The following HID1 variants were observed in gnomAD, a reference collection of about 807,000 sequenced individuals.
HID1 encodes protein HID1.
A neutral mutation model predicts 89.7 loss-of-function variants in HID1; 42 were observed. The observed-to-expected ratio is 0.47, with a 90% confidence interval of 0.37 to 0.61. HID1 has a LOEUF of 0.61. Ranked by LOEUF, HID1 falls within the 20% of genes least tolerant of loss-of-function variation. The pLI, the probability that HID1 is intolerant of heterozygous loss-of-function variation, is 0.00. For missense variants in HID1, 854 were observed against 1,039.3 expected, an observed-to-expected ratio of 0.82 and a Z score of 2.45; for synonymous variants, 442 against 433.8, an observed-to-expected ratio of 1.02 and a Z score of -0.24.
Position 74,963,739 on chromosome 17 carries a change from C to A in HID1, c.387+1G>T. ...ACCCAGCCCTGGCCAGGCCCACAGA[C>A]CCCTCCTCGCCCTGCCCCGGGCACT... On this transcript the variant is annotated splice_donor_variant, in intron 3 of 18. Coordinates refer to ENST00000425042, the MANE Select transcript of HID1 (RefSeq NM_030630.3). LOFTEE classifies it high-confidence loss of function. The A allele has an allele frequency of 6.2e-7, 1 of 1,601,904 alleles. No individual in the cohort carries two copies. Among genetic ancestry groups the A allele is most frequent in the Non-Finnish European group, 8.5e-7 (1 of 1,174,282 alleles).
At chr17:74,966,467 G>T (rs185541353) in intron 1 of HID1, among the ~76,000 whole-genome samples, 1 of 151,578 alleles carries the variant, frequency 6.6e-6, no homozygotes, top group African/African-American at 2.4e-5. Context: ...GCACCTCCTC[G>T]GGCCCATCCC....
chr17:74,958,184 C>T lies in HID1; in HGVS notation c.1428G>A (p.Arg476=). 6.2e-7 allele frequency: 1 copy of T among 1,610,674 alleles called. No homozygotes were observed. Among genetic ancestry groups the T allele is most frequent in the East Asian group, 2.2e-5 (1 of 44,772 alleles). The change falls in exon 12 of 19, where the codon CGG becomes CGA. Residue 476 remains arginine (R), a synonymous_variant. Coordinates refer to ENST00000425042, the MANE Select transcript of HID1 (RefSeq NM_030630.3). This position sits in a 1 kb window ranked among gnomAD's most constrained non-coding sequence, Gnocchi z 5.2. The part of the protein sequence containing the change: ...FHKIITSGHQ[R]LQPLFDCLLT... ...GCAGGCAGTCGAAGAGGGGCTGCAA[C>T]CGCTGGTGCCCGCTGGTGATGATCT... is the stretch of plus-strand genomic sequence containing the variant.
At position 74,963,878 on chromosome 17, in the gene HID1, A is replaced by G; in HGVS notation, c.249T>C (p.Ser83=). The change falls in exon 3 of 19, where the codon AGT becomes AGC. Residue 83 remains serine (S), a synonymous_variant. Transcript: ENST00000425042. ...AVEKLVQGAE[S]GCHSEKEKQI... ...GCTTCTCCTTCTCCGAGTGGCAGCC[A>G]CTCTCAGCTCCCTGCACCAGCTTCT... 2.5e-6 allele frequency: 4 copies of G among 1,613,774 alleles called. No individual in the cohort carries two copies. The highest frequency in any genetic ancestry group is 3.4e-6 in the Non-Finnish European group (4 of 1,179,998).
In HID1 at chr17:74,962,034, C is replaced by A; in HGVS notation, c.612-45G>T. On this transcript the variant is annotated intron_variant, in intron 5 of 18. Transcript: ENST00000425042. The surrounding 1 kb of genome is among the most constrained non-coding windows in gnomAD (Gnocchi z 4.3). ...GGGCACCTTAGGATCCCAGTCCCCTCTTGGAGGTTCTGCCCACCCAGCCCA... is the reference window on the plus strand; with the variant it reads ...GGGCACCTTAGGATCCCAGTCCCCTATTGGAGGTTCTGCCCACCCAGCCCA... 1 of 1,414,870 alleles carries A rather than the reference C, an allele frequency of 7.1e-7. No individual in the cohort carries two copies. The allele number at this position is 1,414,870 out of a possible 1,614,324, so 87.6% of individuals were successfully genotyped here. A position where few individuals can be genotyped will look rare whatever the true frequency, so the allele number is the denominator to read the frequency against.
rs2039521573 is a variant in HID1 at position 74,963,830 on chromosome 17, C to T, written c.297G>A (p.Arg99=). 1 of 1,614,008 alleles carries T rather than the reference C, an allele frequency of 6.2e-7. No individual in the cohort carries two copies. The highest frequency in any genetic ancestry group is 1.3e-5 in the African/African-American group (1 of 74,938). ...KEKQIVLNCS[R]LLTRVLPYIF... ...TGTAGGGCAGCACGCGGGTGAGCAGCCGGCTGCAGTTCAGGACGATCTGCT... is the reference window on the plus strand; with the variant it reads ...TGTAGGGCAGCACGCGGGTGAGCAGTCGGCTGCAGTTCAGGACGATCTGCT... The change falls in exon 3 of 19, where the codon CGG becomes CGA. Residue 99 remains arginine, a synonymous_variant. Transcript: ENST00000425042.
At chr17:74,952,444 G>T (rs939884730) in intron 16 of HID1, 84 bp from the exon 17 acceptor site, 1 of 920,774 alleles carries the variant, frequency 1.1e-6, no homozygotes. Flanking sequence ...AGAACCACAG[G>T]CTCCCCAAGG....
intron 13 of HID1, 44 bp from the exon 14 acceptor site, chr17:74,954,409 G>C: frequency 6.5e-7 from 1 of 1,548,530 alleles, no homozygotes; most frequent in South Asian, 1.2e-5. Flanking sequence ...GCCCCCTCCA[G>C]CTCCCCCCGT....
chr17:74,966,884 G>A (rs2039571249), intron 1 of HID1, among the ~76,000 whole-genome samples: 1 of 152,122 alleles, frequency 6.6e-6, no homozygotes, highest in Non-Finnish European at 1.5e-5. Flanking sequence ...GGTCAAGGCT[G>A]CAGTAAGCTG....
chr17:74,971,691 G>A (rs1166566043), intron 1 of HID1, among the ~76,000 whole-genome samples: 1 of 152,214 alleles, frequency 6.6e-6, no homozygotes, highest in Non-Finnish European at 1.5e-5. Flanking sequence ...GCATCTCTGT[G>A]GCCACGGTGG....
intron 6 of HID1, among the ~76,000 whole-genome samples, chr17:74,960,568 C>G (rs2039464209): frequency 6.6e-6 from 1 of 152,244 alleles, no homozygotes; most frequent in African/African-American, 2.4e-5. Flanking sequence ...AATGACTCCA[C>G]TCAGACTCAA....
intron 3 of HID1, 169 bp downstream of exon 3, chr17:74,963,570 AG>A (rs2039517100): frequency 1.5e-6 from 1 of 646,180 alleles, no homozygotes; most frequent in African/African-American, 1.8e-5. Context: ...AGGGGAACTG[AG>A]GGCCCAAGGA....
At chr17:74,960,327 A>C (rs1013722913) in intron 6 of HID1, 79 bp from the exon 7 acceptor site, 1 of 1,255,924 alleles carries the variant, frequency 8.0e-7, no homozygotes, top group East Asian at 2.5e-5. Context: ...GCCACGTGGG[A>C]AGGTCAGCCT....
chr17:74,954,685 C>T (rs571045379), intron 13 of HID1: 12 of 409,038 alleles, frequency 2.9e-5, no homozygotes, highest in Non-Finnish European at 4.0e-5. Flanking sequence ...GCAGCATCCA[C>T]GTCAGGCCAG....
At position 74,959,806 on chromosome 17, in the gene HID1, G is replaced by A; in HGVS notation, c.1008+75C>T. On this transcript the variant is annotated intron_variant, in intron 8 of 18. Transcript: ENST00000425042. This position sits in a 1 kb window ranked among gnomAD's most constrained non-coding sequence, Gnocchi z 4.6. ...GAGAGCATGGTTCCTTCATGGAGGGGTCAGGATCCCCCATATCCCTGTCTC... is the reference window on the plus strand; with the variant it reads ...GAGAGCATGGTTCCTTCATGGAGGGATCAGGATCCCCCATATCCCTGTCTC... 6.7e-7 allele frequency: 1 copy of A among 1,487,352 alleles called. No homozygotes were observed. The highest frequency in any genetic ancestry group is 9.4e-7 in the Non-Finnish European group (1 of 1,067,990). 92.1% of individuals were successfully genotyped at this position (1,487,352 alleles called of 1,614,324 possible). A position where few individuals can be genotyped will look rare whatever the true frequency, so the allele number is the denominator to read the frequency against.
In HID1 at chr17:74,958,043, G is replaced by C. The variant is rs1270540085; in HGVS notation, c.1471+98C>G. On this transcript the variant is annotated intron_variant, in intron 12 of 18. Coordinates refer to ENST00000425042, the MANE Select transcript of HID1 (RefSeq NM_030630.3). The surrounding 1 kb of genome is among the most constrained non-coding windows in gnomAD (Gnocchi z 5.2). ...TACACAAGCTTGCGTTCTTTCTGTG[G>C]GCTGGAGGGGCTTGAAACCTGGAGC... The C allele has an allele frequency of 1.9e-6, 2 of 1,078,434 alleles. No homozygotes were observed. The highest frequency in any genetic ancestry group is 2.7e-6 in the Non-Finnish European group (2 of 731,442). 66.8% of individuals were successfully genotyped at this position (1,078,434 alleles called of 1,614,324 possible). A position where few individuals can be genotyped will look rare whatever the true frequency, so the allele number is the denominator to read the frequency against.
Position 74,951,891 on chromosome 17 carries a change from T to TCC in HID1, c.2303+12_2303+13dup, listed in dbSNP as rs1157662153. On this transcript the variant is annotated intron_variant, in intron 18 of 18. Transcript: ENST00000425042. ...GGCTCTCAGGTGGACACCACCCCAC[T>TCC]CCCCGGGGCCCACCTCAGATAGATG... is the stretch of plus-strand genomic sequence containing the variant. 1 of 1,498,852 alleles carries TCC rather than the reference T, an allele frequency of 6.7e-7. No homozygotes were observed. Among genetic ancestry groups the TCC allele is most frequent in the Non-Finnish European group, 8.9e-7 (1 of 1,121,582 alleles). The allele number at this position is 1,498,852 out of a possible 1,614,324, so 92.8% of individuals were successfully genotyped here. A position where few individuals can be genotyped will look rare whatever the true frequency, so the allele number is the denominator to read the frequency against.
In HID1 at chr17:74,959,133, C is replaced by G. The variant is rs867206743; in HGVS notation, c.1009-82G>C. On this transcript the variant is annotated intron_variant, in intron 8 of 18. Coordinates refer to ENST00000425042, the MANE Select transcript of HID1 (RefSeq NM_030630.3). This position sits in a 1 kb window ranked among gnomAD's most constrained non-coding sequence, Gnocchi z 4.6. Reference sequence around the variant, plus strand: ...TCCCAGCCCAGGCCCCCAACAAATCCCCCCCTCCATCCCCCAGAGCCAGAT... The same window carrying G: ...TCCCAGCCCAGGCCCCCAACAAATCGCCCCCTCCATCCCCCAGAGCCAGAT... 5.7e-5 allele frequency: 80 copies of G among 1,409,052 alleles called. 1 individual carries two copies. In the African/African-American group the frequency reaches 9.0e-4, roughly 16 times the overall value. The allele number at this position is 1,409,052 out of a possible 1,614,324, so 87.3% of individuals were successfully genotyped here. A position where few individuals can be genotyped will look rare whatever the true frequency, so the allele number is the denominator to read the frequency against.
Position 74,951,431 on chromosome 17 carries a change from T to C in HID1, c.*139A>G, listed in dbSNP as rs1169520847. The C allele has an allele frequency of 1.2e-6, 1 of 800,808 alleles. No individual in the cohort carries two copies. The highest frequency in any genetic ancestry group is 2.1e-6 in the Non-Finnish European group (1 of 483,756). The allele number at this position is 800,808 out of a possible 1,614,324, so 49.6% of individuals were successfully genotyped here. A position where few individuals can be genotyped will look rare whatever the true frequency, so the allele number is the denominator to read the frequency against. On this transcript the variant is annotated 3_prime_UTR_variant, in exon 19 of 19. Coordinates refer to ENST00000425042, the MANE Select transcript of HID1 (RefSeq NM_030630.3). ...ACATTGTCCTGGCCACAGGGGTCTC[T>C]AGGGCATGACACTCAGGGCCACTCT...
In HID1 at chr17:74,962,248, G is replaced by C. The variant is rs773826630; in HGVS notation, c.597C>G (p.Ile199Met). The C allele has an allele frequency of 6.2e-7, 1 of 1,609,034 alleles. No individual in the cohort carries two copies. The highest frequency in any genetic ancestry group is 8.5e-7 in the Non-Finnish European group (1 of 1,176,144). The change falls in exon 5 of 19, where the codon ATC becomes ATG. Residue 199 changes from isoleucine (I) to methionine (M), a missense_variant. Ile to Met is a conservative substitution (Grantham distance 10, BLOSUM62 1). Transcript: ENST00000425042. This position sits in a 1 kb window ranked among gnomAD's most constrained non-coding sequence, Gnocchi z 4.3. ...GCGAAGCTCACCGGTTCATATCGTG[G>C]ATGTAGTTAGGCTGGGGGGAGTGAG... ...GFAHSPQPNYIHDMNRMELLK... is the reference protein window; with the variant it reads ...GFAHSPQPNYMHDMNRMELLK...
Sources: allele counts gnomAD v4.1 joint callset (sites outside exome capture counted in the v4.1 genomes callset), GRCh38; gene constraint gnomAD v4.1.1; non-coding constraint Gnocchi (gnomAD v3.1); transcripts MANE v1.5; gene names NCBI Gene and HGNC (gene_info 2026-07-23, HGNC 2026-07-21).